The following NAA30 variants were observed in gnomAD, a reference collection of about 807,000 sequenced individuals.
The protein encoded by NAA30 is N-alpha-acetyltransferase 30.
NAA30 carries 5 observed loss-of-function variants against 31.4 expected under a neutral mutation model. That is an observed-to-expected ratio of 0.16 (90% CI 0.08 to 0.33). NAA30 has a LOEUF of 0.33. NAA30 is among the 10% of genes least tolerant of loss of function. NAA30 has a pLI of 1.00. For synonymous variants in NAA30, 222 were observed against 207.1 expected (o/e 1.07, Z -0.62); for missense variants, 428 against 490.8 (o/e 0.87, Z 1.21).
Position 57,411,447 on chromosome 14 carries a change from T to C in NAA30, c.*1931T>C, listed in dbSNP as rs2066522160. The C allele has an allele frequency of 6.6e-6, 1 of 152,172 alleles. No homozygotes were observed. Among genetic ancestry groups the C allele is most frequent in the South Asian group, 2.1e-4 (1 of 4,830 alleles). The allele number at this position is 152,172 out of a possible 1,614,324, so 9.4% of individuals were successfully genotyped here. A position where few individuals can be genotyped will look rare whatever the true frequency, so the allele number is the denominator to read the frequency against. The stretch of plus-strand genomic sequence containing the variant: ...ATGTCATCAAATTTTATTTCACTTC[T>C]TTATATTTGACTTGCTGGTTGATAC... On this transcript the variant is annotated 3_prime_UTR_variant, in exon 5 of 5. Transcript: ENST00000556492.
chr14:57,393,047 T>C (rs536273992), intron 2 of NAA30, among the ~76,000 whole-genome samples: 18 of 152,224 alleles, frequency 1.2e-4, no homozygotes, highest in Non-Finnish European at 2.5e-4. Flanking sequence ...TATAGCACTA[T>C]TATAAATGTC....
Position 57,391,636 on chromosome 14 carries a change from A to G in NAA30, c.679A>G (p.Ile227Val). 6.2e-7 allele frequency: 1 copy of G among 1,614,260 alleles called. No individual in the cohort carries two copies. The highest frequency in any genetic ancestry group is 8.5e-7 in the Non-Finnish European group (1 of 1,180,038). ...RYESELQMPD[I>V]MRLITKDLSE... ...TGAATCCGAGCTACAAATGCCCGAT[A>G]TCATGAGACTGATCACCAAAGATCT... The change falls in exon 2 of 5, where the codon ATC becomes GTC. Residue 227 changes from isoleucine to valine, a missense_variant. This residue lies in a region of NAA30 where 79 missense variants were observed against 180.3 expected (regional missense o/e 0.44). Transcript: ENST00000556492. The surrounding 1 kb of genome is among the most constrained non-coding windows in gnomAD (Gnocchi z 4.1).
intron 4 of NAA30, among the ~76,000 whole-genome samples, chr14:57,407,865 C>T (rs1314186688): frequency 2.0e-5 from 3 of 151,918 alleles, no homozygotes; most frequent in South Asian, 2.1e-4. Context: ...TGTGGTATAT[C>T]GAGCATAGAA....
intron 4 of NAA30, among the ~76,000 whole-genome samples, chr14:57,401,027 C>G (rs2066474485): frequency 6.6e-6 from 1 of 152,090 alleles, no homozygotes; most frequent in Non-Finnish European, 1.5e-5. Flanking sequence ...TGAGCCGTTG[C>G]TCCTGGCCTG....
intron 2 of NAA30, among the ~76,000 whole-genome samples, chr14:57,392,214 C>A (rs866103076): frequency 6.6e-6 from 1 of 152,144 alleles, no homozygotes; most frequent in African/African-American, 2.4e-5. Context: ...TTAAATCTTA[C>A]AAGCATTTTC....
At chr14:57,401,736 G>A (rs1015776738) in intron 4 of NAA30, among the ~76,000 whole-genome samples, 5 of 152,152 alleles carry the variant, frequency 3.3e-5, no homozygotes, top group Admixed American at 6.5e-5. Flanking sequence ...CTACTTGTGA[G>A]GCAGGCTATG....
At position 57,410,790 on chromosome 14, in the gene NAA30, A is replaced by G. The variant is rs1242872441; in HGVS notation, c.*1274A>G. ...CATTGTGTTTTGGCCAATCAGTGCA[A>G]TGTAACAAATTTTACAGTTAATTGC... On this transcript the variant is annotated 3_prime_UTR_variant, in exon 5 of 5. Coordinates refer to ENST00000556492, the MANE Select transcript of NAA30 (RefSeq NM_001011713.3). 1.3e-5 allele frequency: 2 copies of G among 152,542 alleles called. No homozygotes were observed. The highest frequency in any genetic ancestry group is 2.4e-5 in the African/African-American group (1 of 41,430). The allele number at this position is 152,542 out of a possible 1,614,324, so 9.4% of individuals were successfully genotyped here.
At chr14:57,407,381 A>T (rs896150480) in intron 4 of NAA30, among the ~76,000 whole-genome samples, 1 of 152,174 alleles carries the variant, frequency 6.6e-6, no homozygotes, top group Non-Finnish European at 1.5e-5. Context: ...ACCAGCTAGG[A>T]GAGATGACAT....
rs1197953199 is a variant in NAA30, at chr14:57,415,057, C to T, written c.*5541C>T. 1 of 152,100 alleles carries T rather than the reference C, an allele frequency of 6.6e-6. No individual in the cohort carries two copies. The highest frequency in any genetic ancestry group is 2.4e-5 in the African/African-American group (1 of 41,408). 9.4% of individuals were successfully genotyped at this position (152,100 alleles called of 1,614,324 possible). On this transcript the variant is annotated 3_prime_UTR_variant, in exon 5 of 5. Coordinates refer to ENST00000556492, the MANE Select transcript of NAA30 (RefSeq NM_001011713.3). ...TGGATTTTTTATGACTACCTCTTTG[C>T]TGTATGAATATCTTAATTTTCTAAT... is the stretch of plus-strand genomic sequence containing the variant.
In NAA30 at chr14:57,391,647, G is replaced by C. The variant is rs1024233272; in HGVS notation, c.690G>C (p.Leu230=). Residue 230 remains leucine (L), a synonymous_variant, in exon 2 of 5, where the codon CTG becomes CTC. Transcript: ENST00000556492. This position sits in a 1 kb window ranked among gnomAD's most constrained non-coding sequence, Gnocchi z 4.1. ...SELQMPDIMR[L]ITKDLSEPYS... ...TACAAATGCCCGATATCATGAGACT[G>C]ATCACCAAAGATCTGTCCGAACCCT... is the stretch of plus-strand genomic sequence containing the variant. 2.5e-6 allele frequency: 4 copies of C among 1,614,194 alleles called. No individual in the cohort carries two copies. Among genetic ancestry groups the C allele is most frequent in the Admixed American group, 1.7e-5 (1 of 60,032 alleles).
intron 4 of NAA30, among the ~76,000 whole-genome samples, chr14:57,405,794 C>G (rs770764806): frequency 8.5e-5 from 13 of 152,202 alleles, no homozygotes; most frequent in African/African-American, 2.9e-4. Context: ...TAGCAGTGAA[C>G]AAGCCTGCTC....
chr14:57,391,792 T>A lies in NAA30; in HGVS notation c.771+64T>A. 7.4e-7 allele frequency: 1 copy of A among 1,360,020 alleles called. No individual in the cohort carries two copies. The highest frequency in any genetic ancestry group is 1.0e-6 in the Non-Finnish European group (1 of 989,874). The allele number at this position is 1,360,020 out of a possible 1,614,324, so 84.2% of individuals were successfully genotyped here. A position where few individuals can be genotyped will look rare whatever the true frequency, so the allele number is the denominator to read the frequency against. ...GATCGAGACTGTGCGGGGCAGGGAG[T>A]GAGGGCCCAGAATGTGGCAGTGGAT... On this transcript the variant is annotated intron_variant, in intron 2 of 4. Coordinates refer to ENST00000556492, the MANE Select transcript of NAA30 (RefSeq NM_001011713.3). The surrounding 1 kb of genome is among the most constrained non-coding windows in gnomAD (Gnocchi z 4.1).
chr14:57,400,303 G>A (rs1183946910), intron 4 of NAA30, among the ~76,000 whole-genome samples: 1 of 152,178 alleles, frequency 6.6e-6, no homozygotes, highest in Admixed American at 6.5e-5. Context: ...TGTTGGCTAG[G>A]GGGAAGACAA....
At chr14:57,403,384 G>C (rs1037122174) in intron 4 of NAA30, among the ~76,000 whole-genome samples, 2 of 152,136 alleles carry the variant, frequency 1.3e-5, no homozygotes, top group Non-Finnish European at 2.9e-5. Context: ...TTTAAGCTCA[G>C]AGTATTCAGC....
rs1236196676 is a variant in NAA30 at position 57,391,589 on chromosome 14, G to C, written c.632G>C (p.Arg211Pro). Residue 211 changes from arginine to proline, a missense_variant, in exon 2 of 5, where the codon CGG becomes CCG. Around this residue, in one of 2 missense-constraint regions of NAA30, gnomAD observed 349 missense variants for 310.4 expected, o/e 1.12. Coordinates refer to ENST00000556492, the MANE Select transcript of NAA30 (RefSeq NM_001011713.3). The surrounding 1 kb of genome is among the most constrained non-coding windows in gnomAD (Gnocchi z 4.1). ...AGGGAGGTTGAGCCTGGGGAGGATC[G>C]GACGATACGATATGTCCGATATGAA... ...SGREVEPGED[R>P]TIRYVRYESE... 1.2e-6 allele frequency: 2 copies of C among 1,614,082 alleles called. No individual in the cohort carries two copies. The highest frequency in any genetic ancestry group is 1.3e-5 in the African/African-American group (1 of 74,934).
At position 57,412,571 on chromosome 14, in the gene NAA30, A is replaced by G. The variant is rs1005409294; in HGVS notation, c.*3055A>G. On this transcript the variant is annotated 3_prime_UTR_variant, in exon 5 of 5. Transcript: ENST00000556492. The stretch of plus-strand genomic sequence containing the variant: ...ATAAATTATATTGACGTCAGATATG[A>G]GTTGAGTATCTATAAAATATCACGT... 6.6e-6 allele frequency: 1 copy of G among 152,180 alleles called. No individual in the cohort carries two copies. Among genetic ancestry groups the G allele is most frequent in the Non-Finnish European group, 1.5e-5 (1 of 68,026 alleles). 9.4% of individuals were successfully genotyped at this position (152,180 alleles called of 1,614,324 possible). A position where few individuals can be genotyped will look rare whatever the true frequency, so the allele number is the denominator to read the frequency against.
chr14:57,397,745 C>G (rs559447016), intron 3 of NAA30, among the ~76,000 whole-genome samples: 1 of 152,150 alleles, frequency 6.6e-6, no homozygotes, highest in Non-Finnish European at 1.5e-5. Context: ...GGCAAGATGG[C>G]GAAACCCTGT....
rs542643117 is a variant in NAA30, at chr14:57,413,765, A to T, written c.*4249A>T. The T allele has an allele frequency of 6.6e-6, 1 of 152,408 alleles. No homozygotes were observed. Among genetic ancestry groups the T allele is most frequent in the Admixed American group, 6.5e-5 (1 of 15,308 alleles). 9.4% of individuals were successfully genotyped at this position (152,408 alleles called of 1,614,324 possible). A position where few individuals can be genotyped will look rare whatever the true frequency, so the allele number is the denominator to read the frequency against. On this transcript the variant is annotated 3_prime_UTR_variant, in exon 5 of 5. Coordinates refer to ENST00000556492, the MANE Select transcript of NAA30 (RefSeq NM_001011713.3). ...CGCCTCGGCCTCCCAAAGTGTTGGA[A>T]TTACAGGCGTGAGCCACCACGCCCA...
At position 57,412,242 on chromosome 14, in the gene NAA30, G is replaced by A. The variant is rs570360695; in HGVS notation, c.*2726G>A. On this transcript the variant is annotated 3_prime_UTR_variant, in exon 5 of 5. Coordinates refer to ENST00000556492, the MANE Select transcript of NAA30 (RefSeq NM_001011713.3). ...GCAAAATAAGAAAAAATAAAAAATC[G>A]ATTTTAATATTTTCTGCCTCTTTCC... 2.6e-5 allele frequency: 4 copies of A among 152,058 alleles called. No homozygotes were observed. The highest frequency in any genetic ancestry group is 2.1e-4 in the South Asian group (1 of 4,826). 9.4% of individuals were successfully genotyped at this position (152,058 alleles called of 1,614,324 possible).
Sources: gnomAD v4.1 joint callset for allele counts (sites outside exome capture counted in the v4.1 genomes callset) on GRCh38, gnomAD v4.1.1 for gene constraint, gnomAD v4.1.1 regional missense constraint, Gnocchi (gnomAD v3.1) non-coding constraint, MANE v1.5 for transcripts, NCBI Gene and HGNC (gene_info 2026-07-23, HGNC 2026-07-21) for gene names.